TNRC18: variants seen among roughly 807,000 people sequenced by gnomAD.
TNRC18 encodes trinucleotide repeat containing 18, also known as trinucleotide repeat-containing gene 18 protein.
Under a neutral mutation model 226.7 loss-of-function variants are expected in TNRC18, and 69 were observed. The ratio of observed to expected loss-of-function variants is 0.30; its 90% CI spans 0.25 to 0.37. The LOEUF (loss-of-function observed/expected upper bound fraction) is 0.37. Among genes scored for constraint, TNRC18 ranks in the 10% least tolerant of loss-of-function variants. The probability of loss-of-function intolerance (pLI) is 1.00; values close to 1 mark genes in which losing one functional copy is unlikely to be tolerated. For synonymous variants in TNRC18, 2,449 were observed against 1,927.6 expected, an observed-to-expected ratio of 1.27 and a Z score of -7.09; for missense variants, 4,754 against 4,256.6, an observed-to-expected ratio of 1.12 and a Z score of -3.25.
At chr7:5,423,195 G>C (rs1782679067) in intron 1 of TNRC18, 1 of 152,186 alleles carries the variant, frequency 6.6e-6, no homozygotes, top group African/African-American at 2.4e-5. Context: ...CCCTCGGCCG[G>C]GCCAGGAGGG....
chr7:5,324,127 T>C lies in TNRC18; in HGVS notation c.6442+87A>G. 12 of 1,427,472 alleles carry C rather than the reference T, an allele frequency of 8.4e-6. No individual in the cohort carries two copies. Among genetic ancestry groups the C allele is most frequent in the Non-Finnish European group, 1.0e-5 (11 of 1,067,058 alleles). 88.4% of individuals were successfully genotyped at this position (1,427,472 alleles called of 1,614,324 possible). A position where few individuals can be genotyped will look rare whatever the true frequency, so the allele number is the denominator to read the frequency against. ...TCCCTGCCCCCAGCTAGCCCAGCCC[T>C]TCAGTCTCAAGCCTTGCTCAGATCT... On this transcript the variant is annotated intron_variant, in intron 21 of 29. Coordinates refer to ENST00000430969, the MANE Select transcript of TNRC18 (RefSeq NM_001080495.3). The surrounding 1 kb of genome is among the most constrained non-coding windows in gnomAD (Gnocchi z 4.8).
At chr7:5,416,006 C>A (rs927836302) in intron 2 of TNRC18, among the ~76,000 whole-genome samples, 2 of 150,178 alleles carry the variant, frequency 1.3e-5, no homozygotes, top group Non-Finnish European at 3.0e-5. Context: ...CCCAGCTACT[C>A]GGGGAGGCTG....
chr7:5,389,460 G>GGTTTTTTTGTTTTTTTTTTGTTTTT, intron 4 of TNRC18, 124 bp from the exon 5 acceptor site: 7 of 535,698 alleles, frequency 1.3e-5, no homozygotes, highest in African/African-American at 6.9e-5. Context: ...TTTTGGTTTT[G>GGTTTTTTTGTTTTTTTTTTGTTTTT]GTTTTTTTTT....
intron 11 of TNRC18, 125 bp downstream of exon 11, chr7:5,370,250 G>T: frequency 8.7e-7 from 1 of 1,151,560 alleles, no homozygotes; most frequent in East Asian, 2.6e-5. Context: ...TTGAGCCCAG[G>T]AGTTTGAGGC....
chr7:5,327,760 G>A (rs1157574701), intron 19 of TNRC18, among the ~76,000 whole-genome samples: 1 of 151,952 alleles, frequency 6.6e-6, no homozygotes, highest in East Asian at 1.9e-4. Context: ...AAAACATAAA[G>A]TAAATAAGAA....
intron 1 of TNRC18, 180 bp downstream of exon 1, chr7:5,423,261 C>G (rs1782683194): frequency 6.6e-6 from 1 of 152,086 alleles, no homozygotes; most frequent in Admixed American, 6.5e-5. Flanking sequence ...CCCACCCCCA[C>G]CCCTCCCGGG....
At chr7:5,315,455 C>T (rs1448359912) in intron 25 of TNRC18, among the ~76,000 whole-genome samples, 2 of 150,144 alleles carry the variant, frequency 1.3e-5, no homozygotes, top group Non-Finnish European at 3.0e-5. Flanking sequence ...AACAGAGTCT[C>T]GCTCTGTCGC....
chr7:5,366,261 C>G (rs773770663), intron 11 of TNRC18, among the ~76,000 whole-genome samples: 17 of 149,198 alleles, frequency 1.1e-4, no homozygotes, highest in South Asian at 2.2e-4. Flanking sequence ...TTGCCAATGT[C>G]CCCTGGGGGG....
chr7:5,383,039 G>A (rs145760781), intron 5 of TNRC18, among the ~76,000 whole-genome samples: 28 of 152,178 alleles, frequency 1.8e-4, no homozygotes, highest in African/African-American at 6.0e-4. Flanking sequence ...GACTATAGAT[G>A]CCACACCACT....
At chr7:5,361,822 C>A in intron 13 of TNRC18, 75 bp downstream of exon 13, 1 of 1,512,922 alleles carries the variant, frequency 6.6e-7, no homozygotes, top group Admixed American at 2.1e-5. Context: ...ACGCACACCT[C>A]GACGGCTGCT....
At position 5,307,424 on chromosome 7, in the gene TNRC18, A is replaced by G. The variant is rs1786655009; in HGVS notation, c.*682T>C. On this transcript the variant is annotated 3_prime_UTR_variant, in exon 30 of 30. Transcript: ENST00000430969. ...GAGGGGCCAGGCGTGGCCGGGCGAC[A>G]GTTTCAGCACCATTGGGGTTTTCTG... is the stretch of plus-strand genomic sequence containing the variant. 3.0e-6 allele frequency: 1 copy of G among 332,646 alleles called. No homozygotes were observed. The highest frequency in any genetic ancestry group is 2.1e-5 in the South Asian group (1 of 46,860). The allele number at this position is 332,646 out of a possible 1,614,324, so 20.6% of individuals were successfully genotyped here.
intron 11 of TNRC18, among the ~76,000 whole-genome samples, chr7:5,368,066 A>G (rs1386814294): frequency 6.6e-6 from 1 of 152,014 alleles, no homozygotes; most frequent in East Asian, 1.9e-4. Flanking sequence ...AAAAAAAACA[A>G]CTTTGTTTTA....
At chr7:5,390,731 G>C (rs1224503575) in intron 3 of TNRC18, 103 bp from the exon 4 acceptor site, 4 of 1,358,696 alleles carry the variant, frequency 2.9e-6, no homozygotes, top group Non-Finnish European at 3.9e-6. Flanking sequence ...CCGACCGCTG[G>C]TACAGGGCGC....
chr7:5,355,423 T>A (rs1232875208), intron 16 of TNRC18, among the ~76,000 whole-genome samples: 2 of 151,888 alleles, frequency 1.3e-5, no homozygotes, highest in Non-Finnish European at 2.9e-5. Flanking sequence ...ATCCCAGGAG[T>A]TTAAGACCAG....
chr7:5,405,203 G>A (rs1221021991), intron 2 of TNRC18, among the ~76,000 whole-genome samples: 1 of 152,192 alleles, frequency 6.6e-6, no homozygotes, highest in African/African-American at 2.4e-5. Flanking sequence ...TGAGGCAGGA[G>A]GATCACTTGG....
chr7:5,324,376 A>C lies in TNRC18; in HGVS notation c.6301-21T>G, dbSNP rs1287304178. ...CGGTTCTGGGGACAGAACATGGCCG[A>C]CAAATGACTTAGGACCTGAACAGGG... On this transcript the variant is annotated intron_variant, in intron 20 of 29. Coordinates refer to ENST00000430969, the MANE Select transcript of TNRC18 (RefSeq NM_001080495.3). The surrounding 1 kb of genome is among the most constrained non-coding windows in gnomAD (Gnocchi z 4.8). 1 of 1,612,214 alleles carries C rather than the reference A, an allele frequency of 6.2e-7. No homozygotes were observed. Among genetic ancestry groups the C allele is most frequent in the South Asian group, 1.1e-5 (1 of 91,050 alleles).
intron 2 of TNRC18, among the ~76,000 whole-genome samples, chr7:5,414,293 AATAT>A (rs1025441137): frequency 7.6e-4 from 115 of 150,938 alleles, no homozygotes; most frequent in African/African-American, 2.7e-3. Flanking sequence ...GTCTCCCATA[AATAT>A]ATATATTATA....
chr7:5,335,835 GAA>G lies in TNRC18; in HGVS notation c.5720-2788_5720-2787del, dbSNP rs61412615. On this transcript the variant is annotated intron_variant, in intron 18 of 29. Coordinates refer to ENST00000430969, the MANE Select transcript of TNRC18 (RefSeq NM_001080495.3). ...AAAACAAAGGAGATCATATTCACTGGAAAAAAAAAAAAAAAAAAAAAAAGGCA... is the reference window on the plus strand; with the variant it reads ...AAAACAAAGGAGATCATATTCACTGGAAAAAAAAAAAAAAAAAAAAAGGCA... Among the ~76,000 whole-genome samples, 236 of 126,794 alleles carry G rather than the reference GAA, an allele frequency of 1.9e-3. 1 individual carries two copies. Among genetic ancestry groups the G allele is most frequent in the African/African-American group, 7.4e-3 (225 of 30,280 alleles). 83.2% of individuals were successfully genotyped at this position (126,794 alleles called of 152,430 possible). A position where few individuals can be genotyped will look rare whatever the true frequency, so the allele number is the denominator to read the frequency against.
intron 27 of TNRC18, among the ~76,000 whole-genome samples, chr7:5,311,091 A>G (rs1787150500): frequency 6.6e-6 from 1 of 152,228 alleles, no homozygotes; most frequent in African/African-American, 2.4e-5. Flanking sequence ...TCATGTTTAC[A>G]TGGTTCATGT....
Sources: allele counts gnomAD v4.1 joint callset (sites outside exome capture counted in the v4.1 genomes callset), GRCh38; gene constraint gnomAD v4.1.1; non-coding constraint Gnocchi (gnomAD v3.1); transcripts MANE v1.5; gene names NCBI Gene and HGNC (gene_info 2026-07-23, HGNC 2026-07-21).